The following MAPRE1 variants were observed in gnomAD, a reference collection of about 807,000 sequenced individuals.
The protein encoded by MAPRE1 is microtubule associated protein RP/EB family member 1.
MAPRE1 carries 5 observed loss-of-function variants against 32.1 expected under a neutral mutation model. The ratio of observed to expected loss-of-function variants is 0.16; its 90% CI spans 0.08 to 0.33. MAPRE1 has a LOEUF of 0.33. MAPRE1 is among the 10% of genes least tolerant of loss of function. The pLI, the probability that MAPRE1 is intolerant of heterozygous loss-of-function variation, is 1.00. For missense variants in MAPRE1, 209 were observed against 327.2 expected, an observed-to-expected ratio of 0.64 and a Z score of 2.79; for synonymous variants, 122 against 118.9, an observed-to-expected ratio of 1.03 and a Z score of -0.17.
chr20:32,822,189 C>T (rs1468232392), intron 1 of MAPRE1, among the ~76,000 whole-genome samples: 1 of 152,132 alleles, frequency 6.6e-6, no homozygotes, highest in Admixed American at 6.6e-5. Context: ...AGGAGACACA[C>T]ATGGCTTTAC....
chr20:32,833,826 A>T lies in MAPRE1; in HGVS notation c.231A>T (p.Ile77=). 1 of 1,614,036 alleles carries T rather than the reference A, an allele frequency of 6.2e-7. No homozygotes were observed. The highest frequency in any genetic ancestry group is 8.5e-7 in the Non-Finnish European group (1 of 1,179,920). Reference sequence around the variant, plus strand: ...ACGAGTACATCCAGAACTTCAAAATACTACAAGCAGGTTTTAAGAGAATGG... The same window carrying T: ...ACGAGTACATCCAGAACTTCAAAATTCTACAAGCAGGTTTTAAGAGAATGG... ...LEHEYIQNFK[I]LQAGFKRMGV... The change falls in exon 3 of 7, where the codon ATA becomes ATT. Residue 77 remains isoleucine, a synonymous_variant. Transcript: ENST00000375571.
intron 6 of MAPRE1, among the ~76,000 whole-genome samples, chr20:32,847,494 A>G (rs960079339): frequency 3.9e-5 from 6 of 152,254 alleles, no homozygotes; most frequent in Non-Finnish European, 7.3e-5. Context: ...CAAGGTAGTA[A>G]TAATGCTGTT....
rs746391861 is a variant in MAPRE1, at chr20:32,848,934, A to G, written c.*206A>G. On this transcript the variant is annotated 3_prime_UTR_variant, in exon 7 of 7. Transcript: ENST00000375571. ...AGCTTTTACCTTGTAGCAGAGCAGT[A>G]TTAACACCTAGTTGGTTCACCTGGA... The G allele has an allele frequency of 1.6e-4, 74 of 469,740 alleles. No individual in the cohort carries two copies. The highest frequency in any genetic ancestry group is 2.7e-4 in the Non-Finnish European group (72 of 263,866). 29.1% of individuals were successfully genotyped at this position (469,740 alleles called of 1,614,324 possible).
chr20:32,848,858 A>C lies in MAPRE1; in HGVS notation c.*130A>C. ...TCATAAGCAAAAAGTACCTCTTCTT[A>C]AAGTGCACTTTGCAGACGTTTCACT... On this transcript the variant is annotated 3_prime_UTR_variant, in exon 7 of 7. Transcript: ENST00000375571. 1.5e-6 allele frequency: 1 copy of C among 684,348 alleles called. No homozygotes were observed. The highest frequency in any genetic ancestry group is 2.3e-6 in the Non-Finnish European group (1 of 427,036). The allele number at this position is 684,348 out of a possible 1,614,324, so 42.4% of individuals were successfully genotyped here. A position where few individuals can be genotyped will look rare whatever the true frequency, so the allele number is the denominator to read the frequency against.
Position 32,849,742 on chromosome 20 carries a change from G to T in MAPRE1, c.*1014G>T, listed in dbSNP as rs973946777. 13 of 152,640 alleles carry T rather than the reference G, an allele frequency of 8.5e-5. No individual in the cohort carries two copies. Among genetic ancestry groups the T allele is most frequent in the African/African-American group, 3.1e-4 (13 of 41,434 alleles). The allele number at this position is 152,640 out of a possible 1,614,324, so 9.5% of individuals were successfully genotyped here. Reference sequence around the variant, plus strand: ...GTGATCATGCTGCAAGTTCTTTCTGGACCTCTGGCAAAGGGAGTGGTCAGT... The same window carrying T: ...GTGATCATGCTGCAAGTTCTTTCTGTACCTCTGGCAAAGGGAGTGGTCAGT... On this transcript the variant is annotated 3_prime_UTR_variant, in exon 7 of 7. Coordinates refer to ENST00000375571, the MANE Select transcript of MAPRE1 (RefSeq NM_012325.3).
intron 2 of MAPRE1, among the ~76,000 whole-genome samples, chr20:32,829,279 GTA>G (rs1982953751): frequency 1.3e-5 from 2 of 152,194 alleles, no homozygotes; most frequent in Non-Finnish European, 2.9e-5. Context: ...CTAGAAAAGG[GTA>G]AGTGCAGGAC....
chr20:32,834,720 G>T (rs1983137423), intron 3 of MAPRE1, among the ~76,000 whole-genome samples: 1 of 151,972 alleles, frequency 6.6e-6, no homozygotes, highest in East Asian at 1.9e-4. Flanking sequence ...AGTTTAAATA[G>T]AGTTCATATA....
chr20:32,833,614 G>A, intron 2 of MAPRE1, 103 bp from the exon 3 acceptor site: 1 of 1,037,550 alleles, frequency 9.6e-7, no homozygotes, highest in Non-Finnish European at 1.4e-6. Context: ...GTTTTTGTAG[G>A]TCTACTTCAC....
At chr20:32,845,304 G>T (rs1288054503) in intron 5 of MAPRE1, among the ~76,000 whole-genome samples, 1 of 152,160 alleles carries the variant, frequency 6.6e-6, no homozygotes, top group Non-Finnish European at 1.5e-5. Flanking sequence ...ACCTCCCAAA[G>T]CTTTGGGATT....
intron 1 of MAPRE1, among the ~76,000 whole-genome samples, chr20:32,824,909 T>C (rs1982799107): frequency 6.6e-6 from 1 of 151,656 alleles, no homozygotes; most frequent in African/African-American, 2.4e-5. Context: ...CCCAGCACTT[T>C]GGGAGGCCTA....
intron 2 of MAPRE1, among the ~76,000 whole-genome samples, chr20:32,831,296 A>G (rs901574458): frequency 1.2e-4 from 18 of 152,100 alleles, no homozygotes; most frequent in African/African-American, 4.3e-4. Context: ...AAAAAGAAAC[A>G]TGAAGAGAAT....
chr20:32,839,868 T>C lies in MAPRE1; in HGVS notation c.597+12T>C, dbSNP rs928942674. 2 of 1,613,858 alleles carry C rather than the reference T, an allele frequency of 1.2e-6. No homozygotes were observed. The highest frequency in any genetic ancestry group is 1.7e-6 in the Non-Finnish European group (2 of 1,179,846). On this transcript the variant is annotated intron_variant, in intron 5 of 6. Transcript: ENST00000375571. ...AGTTGATGCAGCAGGTGGGCACCCC[T>C]GTGTTTAGCACGTGAGTCACCTCGG...
At chr20:32,837,408 CAG>C (rs1310831741) in intron 4 of MAPRE1, among the ~76,000 whole-genome samples, 1 of 152,034 alleles carries the variant, frequency 6.6e-6, no homozygotes, top group Non-Finnish European at 1.5e-5. Flanking sequence ...CTAGCAGAGT[CAG>C]GGGCGGGGGT....
chr20:32,843,522 T>C (rs568510473), intron 5 of MAPRE1: 11 of 152,178 alleles, frequency 7.2e-5, no homozygotes, highest in African/African-American at 2.7e-4. Flanking sequence ...TTAAAAAGAA[T>C]AAAAAGAAAT....
At chr20:32,824,491 T>C (rs896580675) in intron 1 of MAPRE1, among the ~76,000 whole-genome samples, 25 of 152,212 alleles carry the variant, frequency 1.6e-4, no homozygotes, top group Non-Finnish European at 3.1e-4. Context: ...TGCAGAGGGC[T>C]GTCAGGGTTA....
chr20:32,837,300 G>T (rs1183752237), intron 4 of MAPRE1, among the ~76,000 whole-genome samples: 1 of 149,722 alleles, frequency 6.7e-6, no homozygotes, highest in African/African-American at 2.5e-5. Flanking sequence ...TTGGCTGTCT[G>T]TGTTATTCTC....
At position 32,839,732 on chromosome 20, in the gene MAPRE1, C is replaced by T; in HGVS notation, c.476-3C>T. 6.2e-7 allele frequency: 1 copy of T among 1,612,440 alleles called. No homozygotes were observed. Among genetic ancestry groups the T allele is most frequent in the African/African-American group, 1.3e-5 (1 of 74,864 alleles). On this transcript the variant is annotated splice_region_variant and splice_polypyrimidine_tract_variant and intron_variant, in intron 4 of 6. Transcript: ENST00000375571. Reference sequence around the variant, plus strand: ...TTTCAAAAACCTGTGCTCTCTTTTTCAGCTCCCCAGAGGCCCATCTCAACA... The same window carrying T: ...TTTCAAAAACCTGTGCTCTCTTTTTTAGCTCCCCAGAGGCCCATCTCAACA...
At chr20:32,848,331 C>T (rs552036252) in intron 6 of MAPRE1, among the ~76,000 whole-genome samples, 1 of 152,250 alleles carries the variant, frequency 6.6e-6, no homozygotes, top group African/African-American at 2.4e-5. Flanking sequence ...TCACACCTGG[C>T]CTTCTTTCTT....
rs1162558376 is a variant in MAPRE1 at position 32,841,221 on chromosome 20, C to T, written c.597+1365C>T. 2.0e-5 allele frequency among the ~76,000 whole-genome samples: 3 copies of T among 152,214 alleles called. 1 individual carries two copies. The highest frequency in any genetic ancestry group is 4.4e-5 in the Non-Finnish European group (3 of 68,034). ...GTCCTCATCCTTGGAGTGGGTGTGG[C>T]TGACTTGAGCACCCGCTGGGGCTGT... On this transcript the variant is annotated intron_variant, in intron 5 of 6. Coordinates refer to ENST00000375571, the MANE Select transcript of MAPRE1 (RefSeq NM_012325.3).
Sources: allele counts gnomAD v4.1 joint callset (sites outside exome capture counted in the v4.1 genomes callset), GRCh38; gene constraint gnomAD v4.1.1; transcripts MANE v1.5; gene names NCBI Gene and HGNC (gene_info 2026-07-23, HGNC 2026-07-21).